Variants in USF3 observed in about 807,000 individuals in gnomAD.
The protein encoded by USF3 is basic helix-loop-helix domain-containing protein USF3.
In USF3, 29 loss-of-function variants were observed where a neutral mutation model predicts 157.5. The ratio of observed to expected loss-of-function variants is 0.18; its 90% confidence interval spans 0.14 to 0.25. The LOEUF (loss-of-function observed/expected upper bound fraction) is 0.25, where lower values mean the gene tolerates loss of function less well. Among genes scored for constraint, USF3 ranks in the 10% least tolerant of loss-of-function variants. USF3 has a pLI of 1.00. For synonymous variants in USF3, 893 were observed against 941.4 expected (o/e 0.95, Z 0.94); for missense variants, 2,381 against 2,667.6 (o/e 0.89, Z 2.37).
Position 113,658,204 on chromosome 3 carries a change from C to A in USF3, c.3478G>T (p.Val1160Phe). ...GATGCTTCAGAAGGCTTTGAAGCAA[C>A]TTCCCTTATATCAGCCTGGAGGCCA... ...RVGLQADIRE[V>F]ASKPSEASLL... The change falls in exon 7 of 7, where the codon GTT becomes TTT. Residue 1160 changes from valine (V) to phenylalanine (F), a missense_variant. Around this residue, in one of 6 missense-constraint regions of USF3, gnomAD observed 1,435 missense variants for 1,550.9 expected, o/e 0.93. Coordinates refer to ENST00000316407, the MANE Select transcript of USF3 (RefSeq NM_001009899.4). 6.2e-7 allele frequency: 1 copy of A among 1,614,170 alleles called. No homozygotes were observed. Among genetic ancestry groups the A allele is most frequent in the South Asian group, 1.1e-5 (1 of 91,088 alleles).
rs1947411480 is a variant in USF3, at chr3:113,658,494, T to A, written c.3188A>T (p.Gln1063Leu). ...LMNNDDRDPP[Q>L]HHSCLPDQEV... is the part of the protein sequence containing the mutation. ...TTGATCAGGGAGGCAGGAATGATGC[T>A]GTGGAGGATCTCTATCATCATTGTT... Residue 1063 changes from glutamine to leucine, a missense_variant, in exon 7 of 7, where the codon CAG (glutamine) becomes CTG (leucine). Coordinates refer to ENST00000316407, the MANE Select transcript of USF3 (RefSeq NM_001009899.4). 1 of 1,613,988 alleles carries A rather than the reference T, an allele frequency of 6.2e-7. No individual in the cohort carries two copies. Among genetic ancestry groups the A allele is most frequent in the Non-Finnish European group, 8.5e-7 (1 of 1,179,958 alleles).
At chr3:113,673,263 T>C (rs1707202909) in intron 4 of USF3, 85 bp downstream of exon 4, 5 of 883,754 alleles carry the variant, frequency 5.7e-6, no homozygotes, top group South Asian at 1.5e-5. Flanking sequence ...TCCTTGCTTA[T>C]AACATAAAAA....
rs10606566 is a variant in USF3 at position 113,657,263 on chromosome 3, TTGCTGCTGCTGCTGCTGCTGCTGC to T, written c.4395_4418del (p.Gln1471_Gln1478del). The T allele has an allele frequency of 1.4e-4, 229 of 1,582,752 alleles. No homozygotes were observed. In the African/African-American group the frequency reaches 1.6e-3, roughly 11 times the overall value. ...ACTGCCCTGCTTGTTGTTGTTGCTG[TTGCTGCTGCTGCTGCTGCTGCTGC>T]TGCTGCTGCTGCTTTATGTAGAGAT... On this transcript the variant is annotated inframe_deletion, in exon 7 of 7. Coordinates refer to ENST00000316407, the MANE Select transcript of USF3 (RefSeq NM_001009899.4).
intron 1 of USF3, among the ~76,000 whole-genome samples, chr3:113,677,951 T>C (rs1321659429): frequency 4.0e-5 from 6 of 151,898 alleles, no homozygotes; most frequent in East Asian, 1.9e-4. Flanking sequence ...GCCCAGGAAT[T>C]TGCACTTTCA....
In USF3 at chr3:113,652,710, C is replaced by T. The variant is rs1422830021; in HGVS notation, c.*2234G>A. On this transcript the variant is annotated 3_prime_UTR_variant, in exon 7 of 7. Coordinates refer to ENST00000316407, the MANE Select transcript of USF3 (RefSeq NM_001009899.4). Reference sequence around the variant, plus strand: ...GTGACTCATGCCTGTAATTCCAGTACTTTGGGAGGCCGAGGTGGGTGGATC... The same window carrying T: ...GTGACTCATGCCTGTAATTCCAGTATTTTGGGAGGCCGAGGTGGGTGGATC... 6.5e-6 allele frequency: 1 copy of T among 153,898 alleles called. No homozygotes were observed. The highest frequency in any genetic ancestry group is 1.4e-5 in the Non-Finnish European group (1 of 69,454). The allele number at this position is 153,898 out of a possible 1,614,324, so 9.5% of individuals were successfully genotyped here.
At position 113,657,727 on chromosome 3, in the gene USF3, G is replaced by A. The variant is rs1947393313; in HGVS notation, c.3955C>T (p.Pro1319Ser). The change falls in exon 7 of 7, where the codon CCA becomes TCA. Residue 1319 changes from proline to serine, a missense_variant. Pro to Ser is a moderately conservative substitution (Grantham distance 74). Around this residue, in one of 6 missense-constraint regions of USF3, gnomAD observed 1,435 missense variants for 1,550.9 expected, o/e 0.93. Coordinates refer to ENST00000316407, the MANE Select transcript of USF3 (RefSeq NM_001009899.4). ...GAATCCTTACGGCTTTCATGGCTTG[G>A]CTTTAAGAGTGGCTCTTGAATCTGT... ...NSQIQEPLLK[P>S]SHESRKDSAK... 3 of 1,614,156 alleles carry A rather than the reference G, an allele frequency of 1.9e-6. No homozygotes were observed. The highest frequency in any genetic ancestry group is 1.3e-5 in the African/African-American group (1 of 75,038).
In USF3 at chr3:113,660,843, G is replaced by C; in HGVS notation, c.839C>G (p.Ser280Cys). The change falls in exon 7 of 7, where the codon TCT becomes TGT. Residue 280 changes from serine to cysteine, a missense_variant. Ser to Cys is a moderately radical substitution (Grantham distance 112). Around this residue, in one of 6 missense-constraint regions of USF3, gnomAD observed 1,435 missense variants for 1,550.9 expected, o/e 0.93. Transcript: ENST00000316407. ...CTCTTGTCCATTCTTATTTTCAGAA[G>C]AATTTTGATCATTTAGGCATGTGTG... Reference protein sequence around the residue: ...SLHTCLNDQNSSENKNGQENP... With the variant: ...SLHTCLNDQNCSENKNGQENP... 6.2e-7 allele frequency: 1 copy of C among 1,614,132 alleles called. No homozygotes were observed. Among genetic ancestry groups the C allele is most frequent in the South Asian group, 1.1e-5 (1 of 91,078 alleles).
chr3:113,671,796 T>C (rs11920202), intron 4 of USF3, among the ~76,000 whole-genome samples: 1 of 134,378 alleles, frequency 7.4e-6, no homozygotes. Flanking sequence ...TGAGACAAGG[T>C]GTTGTTCCAT....
Position 113,658,188 on chromosome 3 carries a change from G to C in USF3, c.3494C>G (p.Ser1165Cys). Residue 1165 changes from serine (S) to cysteine (C), a missense_variant, in exon 7 of 7, where the codon TCT becomes TGT. This residue lies in a region of USF3 where 1,435 missense variants were observed against 1,550.9 expected (regional missense o/e 0.93). Coordinates refer to ENST00000316407, the MANE Select transcript of USF3 (RefSeq NM_001009899.4). ...ADIREVASKP[S>C]EASLLEGDPP... ...GTCTCCCTCTAACAATGATGCTTCA[G>C]AAGGCTTTGAAGCAACTTCCCTTAT... The C allele has an allele frequency of 3.7e-6, 6 of 1,614,142 alleles. No individual in the cohort carries two copies. The highest frequency in any genetic ancestry group is 5.1e-6 in the Non-Finnish European group (6 of 1,180,036).
Position 113,683,035 on chromosome 3 carries a change from A to C in USF3, c.-134-5638T>G, listed in dbSNP as rs977302778. 3.3e-5 allele frequency among the ~76,000 whole-genome samples: 5 copies of C among 149,844 alleles called. No individual in the cohort carries two copies. In the East Asian group the frequency reaches 9.8e-4, roughly 29 times the overall value. On this transcript the variant is annotated intron_variant, in intron 1 of 6. Coordinates refer to ENST00000316407, the MANE Select transcript of USF3 (RefSeq NM_001009899.4). Reference sequence around the variant, plus strand: ...TTGTTATTTGTTTTCTGGTTGTTTTATGGTCTTCTCTTCCTTCTCATGTCA... The same window carrying C: ...TTGTTATTTGTTTTCTGGTTGTTTTCTGGTCTTCTCTTCCTTCTCATGTCA...
At position 113,655,941 on chromosome 3, in the gene USF3, T is replaced by A. The variant is rs756126359; in HGVS notation, c.5741A>T (p.Asn1914Ile). The change falls in exon 7 of 7, where the codon AAT (asparagine) becomes ATT (isoleucine). Residue 1914 changes from asparagine to isoleucine, a missense_variant. Transcript: ENST00000316407. ...GDIQGRNTSP[N>I]VSVQKSNPMR... The stretch of plus-strand genomic sequence containing the variant: ...GGGATTGGATTTCTGTACAGAAACA[T>A]TGGGGCTTGTGTTTCGACCTTGAAT... 1.2e-6 allele frequency: 2 copies of A among 1,614,136 alleles called. No homozygotes were observed. Among genetic ancestry groups the A allele is most frequent in the Non-Finnish European group, 1.7e-6 (2 of 1,180,014 alleles).
chr3:113,689,235 T>A (rs1390804690), intron 1 of USF3, among the ~76,000 whole-genome samples: 1 of 152,304 alleles, frequency 6.6e-6, no homozygotes, highest in Non-Finnish European at 1.5e-5. Context: ...TCCTCACATT[T>A]AAAACTGGGA....
In USF3 at chr3:113,657,723, C is replaced by A. The variant is rs375665029; in HGVS notation, c.3959G>T (p.Ser1320Ile). 342 of 1,614,028 alleles carry A rather than the reference C, an allele frequency of 2.1e-4. No individual in the cohort carries two copies. Among genetic ancestry groups the A allele is most frequent in the Non-Finnish European group, 2.7e-4 (316 of 1,180,046 alleles). The change falls in exon 7 of 7, where the codon AGC becomes ATC. Residue 1320 changes from serine to isoleucine, a missense_variant. Around this residue, in one of 6 missense-constraint regions of USF3, gnomAD observed 1,435 missense variants for 1,550.9 expected, o/e 0.93. Coordinates refer to ENST00000316407, the MANE Select transcript of USF3 (RefSeq NM_001009899.4). ...SQIQEPLLKP[S>I]HESRKDSAKR... is the part of the protein sequence containing the mutation. The stretch of plus-strand genomic sequence containing the variant: ...AGCAGAATCCTTACGGCTTTCATGG[C>A]TTGGCTTTAAGAGTGGCTCTTGAAT...
At chr3:113,670,097 T>C in intron 5 of USF3, 24 bp downstream of exon 5, 1 of 1,479,384 alleles carries the variant, frequency 6.8e-7, no homozygotes, top group Non-Finnish European at 9.5e-7. Context: ...AAGTAATGAA[T>C]GAAGATATGA....
In USF3 at chr3:113,656,353, T is replaced by C. The variant is rs1184596921; in HGVS notation, c.5329A>G (p.Ile1777Val). Residue 1777 changes from isoleucine to valine, a missense_variant, in exon 7 of 7, where the codon ATT (isoleucine) becomes GTT (valine). Physicochemically the swap from Ile to Val is conservative, Grantham distance 29. This residue lies in a region of USF3 where 770 missense variants were observed against 824.2 expected (regional missense o/e 0.93). Coordinates refer to ENST00000316407, the MANE Select transcript of USF3 (RefSeq NM_001009899.4). ...GGTGGGGGGCCAGTGTTTTGACTAA[T>C]TCGAAAAGCCTGGGACTGCATACTC... ...LRSMQSQAFRISQNTGPPPID... is the reference protein window; with the variant it reads ...LRSMQSQAFRVSQNTGPPPID... 1.2e-6 allele frequency: 2 copies of C among 1,614,144 alleles called. No homozygotes were observed. Among genetic ancestry groups the C allele is most frequent in the Non-Finnish European group, 8.5e-7 (1 of 1,180,024 alleles).
At chr3:113,679,104 C>CTGGCTCCATTAATATTT (rs1707351563) in intron 1 of USF3, among the ~76,000 whole-genome samples, 1 of 151,708 alleles carries the variant, frequency 6.6e-6, no homozygotes, top group East Asian at 1.9e-4. Context: ...GCCACTGCAC[C>CTGGCTCCATTAATATTT]TGGCTCCATT....
intron 6 of USF3, among the ~76,000 whole-genome samples, chr3:113,662,897 A>G (rs530988705): frequency 1.2e-4 from 18 of 152,014 alleles, no homozygotes; most frequent in Middle Eastern, 3.4e-3. Context: ...ATTTGCCTAA[A>G]TTCAGCCAGG....
rs1707208158 is a variant in USF3, at chr3:113,673,433, C to T, written c.48-57G>A. On this transcript the variant is annotated intron_variant, in intron 3 of 6. Coordinates refer to ENST00000316407, the MANE Select transcript of USF3 (RefSeq NM_001009899.4). ...TGAAAATAATGGGAAAGTATTTTTA[C>T]CATTTTATACTTTAAGAATCACAAA... 20 of 986,032 alleles carry T rather than the reference C, an allele frequency of 2.0e-5. No homozygotes were observed. In the South Asian group the frequency reaches 2.7e-4, roughly 13 times the overall value. 61.1% of individuals were successfully genotyped at this position (986,032 alleles called of 1,614,324 possible). A position where few individuals can be genotyped will look rare whatever the true frequency, so the allele number is the denominator to read the frequency against.
At position 113,659,506 on chromosome 3, in the gene USF3, A is replaced by G; in HGVS notation, c.2176T>C (p.Cys726Arg). Residue 726 changes from cysteine (C) to arginine (R), a missense_variant, in exon 7 of 7, where the codon TGT becomes CGT. Physicochemically the swap from Cys to Arg is radical, Grantham distance 180. Transcript: ENST00000316407. Reference sequence around the variant, plus strand: ...GGCTGGCTAATAGACAATTGTACACAGCTTTGCCCAGCCATCTGTGATATG... The same window carrying G: ...GGCTGGCTAATAGACAATTGTACACGGCTTTGCCCAGCCATCTGTGATATG... ...QSISQMAGQSCVQLSISQPAN... is the reference protein window; with the variant it reads ...QSISQMAGQSRVQLSISQPAN... The G allele has an allele frequency of 6.2e-7, 1 of 1,614,250 alleles. No homozygotes were observed. The highest frequency in any genetic ancestry group is 8.5e-7 in the Non-Finnish European group (1 of 1,180,036).
Sources: allele counts gnomAD v4.1 joint callset (sites outside exome capture counted in the v4.1 genomes callset), GRCh38; gene constraint gnomAD v4.1.1; regional missense constraint gnomAD v4.1.1; transcripts MANE v1.5; gene names NCBI Gene and HGNC (gene_info 2026-07-23, HGNC 2026-07-21).